Variants in AP4M1 observed in about 807,000 individuals in gnomAD.
AP4M1 encodes adaptor related protein complex 4 subunit mu 1, also known as AP-4 complex subunit mu-1.
In AP4M1, 58 loss-of-function variants were observed where a neutral mutation model predicts 62.4. That is an observed-to-expected ratio of 0.93 (90% confidence interval 0.75 to 1.16). The LOEUF (loss-of-function observed/expected upper bound fraction) is 1.16, where lower values mean the gene tolerates loss of function less well. Ranked by LOEUF, AP4M1 falls within the 50% of genes most tolerant of loss-of-function variation. The pLI, the probability that AP4M1 is intolerant of heterozygous loss-of-function variation, is 0.00. For synonymous variants in AP4M1, 290 were observed against 239.7 expected (o/e 1.21, Z -1.94); for missense variants, 626 against 585.4 (o/e 1.07, Z -0.72).
In AP4M1 at chr7:100,107,404, A is replaced by G. The variant is rs756230036; in HGVS notation, c.*522A>G. ...GACGATGCCGGGGGAGGAACTGGAG[A>G]AGGATGGGAGGTGGGGCCTCCTTTG... On this transcript the variant is annotated 3_prime_UTR_variant, in exon 15 of 15. Transcript: ENST00000359593. 4.4e-6 allele frequency: 7 copies of G among 1,603,190 alleles called. No individual in the cohort carries two copies. Among genetic ancestry groups the G allele is most frequent in the South Asian group, 3.3e-5 (3 of 90,512 alleles).
chr7:100,108,208 T>C lies in AP4M1; in HGVS notation c.*1326T>C. On this transcript the variant is annotated 3_prime_UTR_variant, in exon 15 of 15. Coordinates refer to ENST00000359593, the MANE Select transcript of AP4M1 (RefSeq NM_004722.4). Reference sequence around the variant, plus strand: ...GGAGAGGCCTGGGCTCCCCTCGCTCTTCCTCAGTGGCTCTCACTAGGGCTG... The same window carrying C: ...GGAGAGGCCTGGGCTCCCCTCGCTCCTCCTCAGTGGCTCTCACTAGGGCTG... 1.4e-6 allele frequency: 2 copies of C among 1,475,536 alleles called. No homozygotes were observed. The highest frequency in any genetic ancestry group is 1.3e-5 in the South Asian group (1 of 76,482). The allele number at this position is 1,475,536 out of a possible 1,614,324, so 91.4% of individuals were successfully genotyped here.
chr7:100,106,752 T>C lies in AP4M1; in HGVS notation c.1232T>C (p.Leu411Pro). 5 of 1,614,036 alleles carry C rather than the reference T, an allele frequency of 3.1e-6. No individual in the cohort carries two copies. The highest frequency in any genetic ancestry group is 4.2e-6 in the Non-Finnish European group (5 of 1,180,036). ...GLGPASLSFE[L>P]PRHTCSGLQV... ...GGCCCTGCCAGTCTCTCCTTCGAGC[T>C]TCCCCGGCACACGTGCTCTGGCCTC... Residue 411 changes from leucine (L) to proline (P), a missense_variant, in exon 15 of 15, where the codon CTT (leucine) becomes CCT (proline). By Grantham distance (98) the Leu-to-Pro change is moderately conservative. Transcript: ENST00000359593.
At chr7:100,105,642 A>T in intron 11 of AP4M1, 103 bp downstream of exon 11, 2 of 1,228,010 alleles carry the variant, frequency 1.6e-6, no homozygotes, top group Non-Finnish European at 2.3e-6. Flanking sequence ...GTGGTGATGG[A>T]GTGCAAATTG....
At chr7:100,101,298 T>G (rs1213487280), upstream of AP4M1, 1 of 1,613,264 alleles carries the variant, frequency 6.2e-7, no homozygotes. Context: ...GTGCCATCGC[T>G]GCCGAGGGCC....
chr7:100,106,076 T>C, intron 12 of AP4M1, 73 bp downstream of exon 12: 1 of 1,582,968 alleles, frequency 6.3e-7, no homozygotes, highest in East Asian at 2.2e-5. Context: ...CTGCTGCTTC[T>C]CCCTTCAGAT....
At chr7:100,104,308 A>G (rs1330990843) in intron 7 of AP4M1, among the ~76,000 whole-genome samples, 154 bp downstream of exon 7, 1 of 151,808 alleles carries the variant, frequency 6.6e-6, no homozygotes, top group East Asian at 1.9e-4. Flanking sequence ...ACTTGGGGCC[A>G]GGAGTTTGAA....
chr7:100,102,649 C>T (rs1187673527), intron 2 of AP4M1, 26 bp from the exon 3 acceptor site: 15 of 1,607,892 alleles, frequency 9.3e-6, no homozygotes, highest in Middle Eastern at 1.7e-4. Flanking sequence ...TTTTTAACGC[C>T]TCTCTTCTCC....
chr7:100,105,375 C>T (rs561103710), intron 10 of AP4M1, 29 bp downstream of exon 10: 26 of 1,613,014 alleles, frequency 1.6e-5, no homozygotes, highest in East Asian at 8.9e-5. Context: ...TCATAAATTC[C>T]GTCCACCATG....
intron 6 of AP4M1, among the ~76,000 whole-genome samples, 194 bp from the exon 7 acceptor site, chr7:100,103,898 A>AG (rs1293661599): frequency 6.6e-6 from 1 of 150,822 alleles, no homozygotes; most frequent in Non-Finnish European, 1.5e-5. Context: ...AAAAAAAAAA[A>AG]AAAAAAAAGA....
In AP4M1 at chr7:100,105,216, A is replaced by G. The variant is rs375129284; in HGVS notation, c.728-24A>G. 4.1e-5 allele frequency: 66 copies of G among 1,609,070 alleles called. 2 individuals carry two copies. In the Middle Eastern group the frequency reaches 1.6e-3, roughly 40 times the overall value. ...TCTCCCAAAACAGGAGTCAGGAGAGAAGTCTCTCTCTCTCTCTTTCCAGGT... is the reference window on the plus strand; with the variant it reads ...TCTCCCAAAACAGGAGTCAGGAGAGGAGTCTCTCTCTCTCTCTTTCCAGGT... On this transcript the variant is annotated intron_variant, in intron 9 of 14. Coordinates refer to ENST00000359593, the MANE Select transcript of AP4M1 (RefSeq NM_004722.4).
chr7:100,103,237 TC>T (rs2116633629), intron 4 of AP4M1, 171 bp from the exon 5 acceptor site: 2 of 708,066 alleles, frequency 2.8e-6, no homozygotes, highest in Non-Finnish European at 5.0e-6. Context: ...GAGACTAGAG[TC>T]TCACTGTGTT....
At position 100,107,507 on chromosome 7, in the gene AP4M1, T is replaced by A; in HGVS notation, c.*625T>A. On this transcript the variant is annotated 3_prime_UTR_variant, in exon 15 of 15. Transcript: ENST00000359593. ...GACCAGAGGGAGCAGTGCTGGGGGG[T>A]GCGGTGGTGGCGGTGGAGACCAACT... 6.2e-7 allele frequency: 1 copy of A among 1,612,888 alleles called. No homozygotes were observed. Among genetic ancestry groups the A allele is most frequent in the Non-Finnish European group, 8.5e-7 (1 of 1,179,720 alleles).
Position 100,102,134 on chromosome 7 carries a change from A to T in AP4M1, c.147+166A>T. 6 of 744,970 alleles carry T rather than the reference A, an allele frequency of 8.1e-6. No homozygotes were observed. In the South Asian group the frequency reaches 1.0e-4, roughly 12 times the overall value. 46.1% of individuals were successfully genotyped at this position (744,970 alleles called of 1,614,324 possible). A position where few individuals can be genotyped will look rare whatever the true frequency, so the allele number is the denominator to read the frequency against. ...GGTGGCTCACGCCTGTAATCCCAGC[A>T]CTTTGGGAGACCGAGGCGGGCGGAT... On this transcript the variant is annotated intron_variant, in intron 2 of 14. Coordinates refer to ENST00000359593, the MANE Select transcript of AP4M1 (RefSeq NM_004722.4).
intron 7 of AP4M1, 114 bp downstream of exon 7, chr7:100,104,268 AGTGCTTTGGG>A: frequency 1.1e-6 from 1 of 943,678 alleles, no homozygotes; most frequent in Non-Finnish European, 1.7e-6. Flanking sequence ...TTGTAATCCC[AGTGCTTTGGG>A]AGGCCGAGGT....
chr7:100,101,223 C>T, upstream of AP4M1: 12 of 1,611,776 alleles, frequency 7.4e-6, no homozygotes, highest in Non-Finnish European at 1.0e-5. Flanking sequence ...CCCCGGGAGG[C>T]TCCCCGCGCA....
At chr7:100,104,251 C>T in intron 7 of AP4M1, 97 bp downstream of exon 7, 1 of 1,051,936 alleles carries the variant, frequency 9.5e-7, no homozygotes, top group Non-Finnish European at 1.5e-6. Flanking sequence ...GGCACAGTGG[C>T]TCATGCTTGT....
intron 4 of AP4M1, 25 bp downstream of exon 4, chr7:100,102,985 T>C: frequency 6.3e-7 from 1 of 1,594,006 alleles, no homozygotes. Context: ...TCCCCTTCTG[T>C]GGCCCCTACC....
At position 100,102,681 on chromosome 7, in the gene AP4M1, C is replaced by T. The variant is rs1287688636; in HGVS notation, c.154C>T (p.His52Tyr). ...CTCCCTGCCTGTGTCTCAGCATCAC[C>T]ATGGCCGTCATTTCATTCACATCAG... ...GDESPVVMHH[H>Y]GRHFIHIRHS... Residue 52 changes from histidine (H) to tyrosine (Y), a missense_variant, in exon 3 of 15, where the codon CAT (histidine) becomes TAT (tyrosine). His to Tyr is a moderately conservative substitution (Grantham distance 83, BLOSUM62 2). Coordinates refer to ENST00000359593, the MANE Select transcript of AP4M1 (RefSeq NM_004722.4). 6.2e-7 allele frequency: 1 copy of T among 1,614,058 alleles called. No individual in the cohort carries two copies. Among genetic ancestry groups the T allele is most frequent in the African/African-American group, 1.3e-5 (1 of 75,034 alleles).
At chr7:100,101,138 C>A, upstream of AP4M1, 2 of 1,225,120 alleles carry the variant, frequency 1.6e-6, no homozygotes, top group South Asian at 1.3e-5. Context: ...CAGCTCGACC[C>A]TGCCTCTGGC....
Sources: allele counts gnomAD v4.1 joint callset (sites outside exome capture counted in the v4.1 genomes callset), GRCh38; gene constraint gnomAD v4.1.1; transcripts MANE v1.5; gene names NCBI Gene and HGNC (gene_info 2026-07-23, HGNC 2026-07-21).